DMD: variants seen among roughly 807,000 people sequenced by gnomAD.
DMD encodes dystrophin.
A neutral mutation model predicts 330.1 loss-of-function variants in DMD; 63 were observed. That is an observed-to-expected ratio of 0.19 (90% CI 0.16 to 0.24). The LOEUF is 0.24. Among genes scored for constraint, DMD ranks in the 10% least tolerant of loss-of-function variants. The probability of loss-of-function intolerance (pLI) is 1.00; values close to 1 mark genes in which losing one functional copy is unlikely to be tolerated. For synonymous variants in DMD, 1,223 were observed against 959.8 expected (o/e 1.27, Z -5.07); for missense variants, 3,344 against 2,684.1 (o/e 1.25, Z -5.43).
intron 13 of DMD, among the ~76,000 whole-genome samples, chrX:32,590,258 A>G (rs2054749291): frequency 1.8e-5 from 2 of 112,487 alleles, no homozygotes; most frequent in African/African-American, 6.5e-5. Flanking sequence ...ACTGCATGAG[A>G]TAAGTGAGAA....
chrX:32,595,723 G>T, intron 13 of DMD, 34 bp downstream of exon 13: 1 of 1,193,355 alleles, frequency 8.4e-7, no homozygotes, highest in Non-Finnish European at 1.1e-6. Context: ...TCTTTTAAAG[G>T]ACATATTTAG....
intron 63 of DMD, among the ~76,000 whole-genome samples, chrX:31,244,633 AG>A (rs1421101929): frequency 8.9e-6 from 1 of 112,124 alleles, no homozygotes; most frequent in African/African-American, 3.2e-5. Flanking sequence ...AACATCTCTG[AG>A]GAACTAAGAA....
chrX:33,290,939 T>G (rs2053502098), intron 1 of DMD, among the ~76,000 whole-genome samples: 1 of 111,083 alleles, frequency 9.0e-6, no homozygotes, highest in Non-Finnish European at 1.9e-5. Context: ...TCCCACCAAT[T>G]ATGAGACACA....
intron 59 of DMD, among the ~76,000 whole-genome samples, chrX:31,454,023 T>C (rs1427153246): frequency 8.9e-6 from 1 of 111,822 alleles, no homozygotes; most frequent in Non-Finnish European, 1.9e-5. Flanking sequence ...TGAAGCAAAA[T>C]GGCAGTTAAT....
intron 52 of DMD, among the ~76,000 whole-genome samples, chrX:31,725,960 G>T: frequency 8.9e-6 from 1 of 112,299 alleles, no homozygotes; most frequent in Non-Finnish European, 1.9e-5. Context: ...CGCCTCCAAG[G>T]AAGAAAATTT....
At chrX:33,090,008 C>T (rs1406143424) in intron 1 of DMD, among the ~76,000 whole-genome samples, 1 of 111,751 alleles carries the variant, frequency 8.9e-6, no homozygotes, top group African/African-American at 3.2e-5. Flanking sequence ...CTAAGATACT[C>T]AATCATGTGA....
In DMD at chrX:32,164,802, C is replaced by G. The variant is rs889635658; in HGVS notation, c.6438+52114G>C. On this transcript the variant is annotated intron_variant, in intron 44 of 78. Coordinates refer to ENST00000357033, the MANE Select transcript of DMD (RefSeq NM_004006.3). ...TGGTTTCGTGGACCAGGTCCCCCCC[C>G]CAACCCCACCACTGTGTGCGGCATC... Among the ~76,000 whole-genome samples the G allele has an allele frequency of 1.6e-4, 18 of 109,378 alleles. No individual in the cohort carries two copies. In the South Asian group the frequency reaches 2.4e-3, roughly 14 times the overall value. 95.0% of individuals were successfully genotyped at this position (109,378 alleles called of 115,157 possible).
chrX:32,848,890 C>T (rs1190917939), intron 3 of DMD, among the ~76,000 whole-genome samples: 6 of 110,428 alleles, frequency 5.4e-5, no homozygotes, highest in Non-Finnish European at 1.1e-4. Flanking sequence ...AGTGGCTTAG[C>T]GTTAAGTGTT....
At chrX:32,597,507 T>G (rs994781525) in intron 12 of DMD, among the ~76,000 whole-genome samples, 6 of 111,816 alleles carry the variant, frequency 5.4e-5, no homozygotes, top group African/African-American at 2.0e-4. Context: ...TGATTTTTGG[T>G]GTAATCACAA....
intron 2 of DMD, among the ~76,000 whole-genome samples, chrX:32,994,784 C>T (rs1440030584): frequency 1.8e-5 from 2 of 111,770 alleles, no homozygotes; most frequent in Non-Finnish European, 3.8e-5. Context: ...TAAAATATCA[C>T]ATTGTACACC....
chrX:32,685,717 A>C (rs6653883), intron 9 of DMD, among the ~76,000 whole-genome samples: 5,283 of 111,639 alleles, frequency 0.047, 301 homozygotes, highest in African/African-American at 0.16. Context: ...GAGGAACATG[A>C]CTTTATGTAG....
intron 7 of DMD, among the ~76,000 whole-genome samples, chrX:32,788,248 A>G (rs6631644): frequency 0.25 from 27,387 of 111,032 alleles, 2,714 homozygotes; most frequent in East Asian, 0.69. Flanking sequence ...TAGGACTACT[A>G]TTAAATTAAC....
At chrX:32,779,325 T>C (rs1485619054) in intron 7 of DMD, among the ~76,000 whole-genome samples, 1 of 110,074 alleles carries the variant, frequency 9.1e-6, no homozygotes. Flanking sequence ...TGACACCTAA[T>C]ATTTATATTA....
intron 67 of DMD, among the ~76,000 whole-genome samples, chrX:31,197,436 T>A (rs990192423): frequency 9.5e-6 from 1 of 105,560 alleles, no homozygotes; most frequent in Non-Finnish European, 2.0e-5. Context: ...ATTGGGAATG[T>A]TTCTAACACA....
intron 50 of DMD, among the ~76,000 whole-genome samples, chrX:31,806,597 C>T (rs866939955): frequency 1.8e-5 from 2 of 112,635 alleles, no homozygotes; most frequent in Admixed American, 1.9e-4. Context: ...TATTCTGCTA[C>T]CTCCAATTTA....
intron 7 of DMD, among the ~76,000 whole-genome samples, chrX:32,702,339 G>A (rs2064210992): frequency 9.0e-6 from 1 of 111,712 alleles, no homozygotes; most frequent in East Asian, 2.8e-4. Flanking sequence ...ATTATGCATA[G>A]GATTTCAATA....
Position 32,464,633 on chromosome X carries a change from C to A in DMD, c.3229G>T (p.Ala1077Ser). The A allele has an allele frequency of 1.7e-6, 2 of 1,210,837 alleles. No individual in the cohort carries two copies. The highest frequency in any genetic ancestry group is 2.2e-6 in the Non-Finnish European group (2 of 894,657). ...TTTAGAATTTCTGAATCCCCAAGGG[C>A]AGGCCATTCCTCCTTCAGAAAAACA... The part of the protein sequence containing the change: ...VDVFLKEEWP[A>S]LGDSEILKKQ... The change falls in exon 24 of 79, where the codon GCC becomes TCC. Residue 1077 changes from alanine (A) to serine (S), a missense_variant. Transcript: ENST00000357033.
At chrX:32,461,157 A>G (rs2098382108) in intron 25 of DMD, among the ~76,000 whole-genome samples, 1 of 112,009 alleles carries the variant, frequency 8.9e-6, no homozygotes, top group African/African-American at 3.2e-5. Context: ...TGGTGACAAA[A>G]AAGGAATTAT....
At chrX:31,745,476 C>T (rs2087749145) in intron 51 of DMD, among the ~76,000 whole-genome samples, 1 of 111,785 alleles carries the variant, frequency 8.9e-6, no homozygotes, top group South Asian at 3.7e-4. Flanking sequence ...AATGTCCCTT[C>T]CAAGAAAGAA....
Sources: allele counts gnomAD v4.1 joint callset (sites outside exome capture counted in the v4.1 genomes callset), GRCh38; gene constraint gnomAD v4.1.1; transcripts MANE v1.5; gene names NCBI Gene and HGNC (gene_info 2026-07-23, HGNC 2026-07-21).